The following SYNE1 variants were observed in gnomAD, a reference collection of about 807,000 sequenced individuals.
SYNE1 encodes spectrin repeat containing nuclear envelope protein 1.
SYNE1 carries 616 observed loss-of-function variants against 1,111.0 expected under a neutral mutation model. The ratio of observed to expected loss-of-function variants is 0.55; its 90% CI spans 0.52 to 0.59. SYNE1 has a LOEUF of 0.59. Among genes scored for constraint, SYNE1 ranks in the 20% least tolerant of loss-of-function variants. The probability of loss-of-function intolerance (pLI) is 0.00; values close to 1 mark genes in which losing one functional copy is unlikely to be tolerated. For missense variants in SYNE1, 10,006 were observed against 10,417.0 expected (o/e 0.96, Z 1.72); for synonymous variants, 3,855 against 3,825.8 (o/e 1.01, Z -0.28).
chr6:152,189,442 A>T, intron 127 of SYNE1, 35 bp from the exon 128 acceptor site: 2 of 1,607,534 alleles, frequency 1.2e-6, no homozygotes, highest in Admixed American at 1.7e-5. Flanking sequence ...ACCCACGGAC[A>T]TCTCCTGCCA....
At chr6:152,284,230 T>C (rs2094193258) in intron 95 of SYNE1, 58 bp from the exon 96 acceptor site, 4 of 1,555,424 alleles carry the variant, frequency 2.6e-6, no homozygotes, top group Non-Finnish European at 2.6e-6. Context: ...GAGGGATCAT[T>C]AGCACTAGCT....
chr6:152,601,446 G>C (rs1280575444), intron 3 of SYNE1, among the ~76,000 whole-genome samples: 1 of 152,192 alleles, frequency 6.6e-6, no homozygotes, highest in Non-Finnish European at 1.5e-5. Flanking sequence ...ATGCCATCGA[G>C]ATATCTGGTA....
intron 2 of SYNE1, among the ~76,000 whole-genome samples, chr6:152,634,467 T>C (rs1469310955): frequency 1.3e-5 from 2 of 152,198 alleles, no homozygotes; most frequent in South Asian, 2.1e-4. Flanking sequence ...AATTTAATTA[T>C]TTTTTTCTCT....
chr6:152,627,605 C>T (rs1040132402), intron 3 of SYNE1, among the ~76,000 whole-genome samples: 4 of 151,962 alleles, frequency 2.6e-5, no homozygotes, highest in Non-Finnish European at 4.4e-5. Flanking sequence ...TGGAGTGAGC[C>T]GAGATAGTGC....
At chr6:152,476,810 A>C (rs1473641261) in intron 14 of SYNE1, among the ~76,000 whole-genome samples, 6 of 151,844 alleles carry the variant, frequency 4.0e-5, no homozygotes, top group Admixed American at 2.6e-4. Flanking sequence ...CAGAGGCTGC[A>C]GTGAGCCATG....
At chr6:152,388,501 G>A (rs150795208) in intron 53 of SYNE1, among the ~76,000 whole-genome samples, 66 of 152,172 alleles carry the variant, frequency 4.3e-4, no homozygotes, top group Middle Eastern at 3.4e-3. Flanking sequence ...GTTTTGCCCC[G>A]TTGCCCAGAG....
chr6:152,434,402 A>T (rs2098455143), intron 33 of SYNE1: 2 of 163,008 alleles, frequency 1.2e-5, no homozygotes, highest in Non-Finnish European at 2.7e-5. Flanking sequence ...AAATACCTTT[A>T]TAAACTGCAT....
rs921838937 is a variant in SYNE1, at chr6:152,390,520, A to C, written c.8005-68T>G. The C allele has an allele frequency of 1.3e-5, 19 of 1,519,140 alleles. No individual in the cohort carries two copies. The Middle Eastern group carries it at 6.1e-4, about 49-fold the overall frequency. 94.1% of individuals were successfully genotyped at this position (1,519,140 alleles called of 1,614,324 possible). Reference sequence around the variant, plus strand: ...CCTTCTTCTATTTTAAAAAAATGGTAGTTTTCCATAAGAATTGAAGTAGGA... The same window carrying C: ...CCTTCTTCTATTTTAAAAAAATGGTCGTTTTCCATAAGAATTGAAGTAGGA... On this transcript the variant is annotated intron_variant, in intron 52 of 145. Coordinates refer to ENST00000367255, the MANE Select transcript of SYNE1 (RefSeq NM_182961.4).
chr6:152,232,852 T>A (rs1245814913), intron 112 of SYNE1, among the ~76,000 whole-genome samples: 2 of 152,224 alleles, frequency 1.3e-5, no homozygotes, highest in Non-Finnish European at 2.9e-5. Flanking sequence ...ACAAAAGCAA[T>A]CATTTAAAAT....
In SYNE1 at chr6:152,215,056, T is replaced by A; in HGVS notation, c.22196A>T (p.Gln7399Leu). 6.2e-7 allele frequency: 1 copy of A among 1,614,064 alleles called. No homozygotes were observed. Among genetic ancestry groups the A allele is most frequent in the South Asian group, 1.1e-5 (1 of 91,088 alleles). The part of the protein sequence containing the change: ...IQERMEELKG[Q>L]MLKFSSMAPD... ...AGCCATGCTGCTGAATTTTAACATC[T>A]GTCCCTAGAAGGAAGATTTAAAAGT... Residue 7399 changes from glutamine to leucine, a missense_variant, in exon 122 of 146, where the codon CAG becomes CTG. Physicochemically the swap from Gln to Leu is moderately radical, Grantham distance 113. This residue lies in a region of SYNE1 where 2,182 missense variants were observed against 2,287.8 expected (regional missense o/e 0.95). Transcript: ENST00000367255.
intron 139 of SYNE1, among the ~76,000 whole-genome samples, chr6:152,140,742 G>A (rs1353201213): frequency 1.3e-5 from 2 of 152,136 alleles, no homozygotes; most frequent in Non-Finnish European, 2.9e-5. Context: ...CACTGTCAAA[G>A]GAGACTGTTG....
Position 152,520,523 on chromosome 6 carries a change from C to A in SYNE1, c.245G>T (p.Arg82Leu), listed in dbSNP as rs143900928. 1.8e-4 allele frequency: 295 copies of A among 1,613,614 alleles called. No individual in the cohort carries two copies. Among genetic ancestry groups the A allele is most frequent in the South Asian group, 1.5e-3 (137 of 91,080 alleles). Residue 82 changes from arginine to leucine, a missense_variant, in exon 6 of 146, where the codon CGG (arginine) becomes CTG (leucine). By Grantham distance (102) the Arg-to-Leu change is moderately radical (BLOSUM62 -2). Coordinates refer to ENST00000367255, the MANE Select transcript of SYNE1 (RefSeq NM_182961.4). ...GQKLPCEQGR[R>L]MKRIHAVANI... Reference sequence around the variant, plus strand: ...AGCCACAGCATGGATTCGCTTCATCCGGCGTCCTTGTTCACAAGGCTGTAA... The same window carrying A: ...AGCCACAGCATGGATTCGCTTCATCAGGCGTCCTTGTTCACAAGGCTGTAA...
intron 66 of SYNE1, among the ~76,000 whole-genome samples, chr6:152,355,310 A>G (rs2096817929): frequency 6.6e-6 from 1 of 152,228 alleles, no homozygotes. Flanking sequence ...TAGGCTTATT[A>G]TAGCTCATAA....
At chr6:152,539,911 T>C in intron 4 of SYNE1, 49 bp downstream of exon 4, 2 of 1,587,814 alleles carry the variant, frequency 1.3e-6, no homozygotes. Flanking sequence ...ATTTAATGAT[T>C]TACTGGCTCA....
chr6:152,277,264 CTTTTTTTTTTT>C (rs747947368), intron 98 of SYNE1, among the ~76,000 whole-genome samples: 3 of 82,130 alleles, frequency 3.7e-5, no homozygotes, highest in Admixed American at 1.4e-4. Context: ...TTTTCTTTTT[CTTTTTTTTTTT>C]TTTTTTTTTT....
chr6:152,237,022 T>C, intron 108 of SYNE1, 74 bp from the exon 109 acceptor site: 1 of 1,573,156 alleles, frequency 6.4e-7, no homozygotes, highest in East Asian at 2.3e-5. Flanking sequence ...GGGTGCAAAA[T>C]ACGTGCCTGA....
chr6:152,160,474 C>A (rs542591401), intron 131 of SYNE1, among the ~76,000 whole-genome samples: 3 of 152,272 alleles, frequency 2.0e-5, no homozygotes, highest in South Asian at 2.1e-4. Flanking sequence ...GACTTTCCTG[C>A]ACCTTCACTC....
intron 35 of SYNE1, 22 bp downstream of exon 35, chr6:152,430,460 G>A (rs772360968): frequency 6.3e-7 from 1 of 1,591,866 alleles, no homozygotes; most frequent in Admixed American, 1.7e-5. Context: ...GTAAACTTAA[G>A]TATAGGTGGA....
chr6:152,242,361 T>C lies in SYNE1; in HGVS notation c.19772A>G (p.Tyr6591Cys), dbSNP rs759071467. The C allele has an allele frequency of 3.1e-6, 5 of 1,614,000 alleles. No individual in the cohort carries two copies. In the South Asian group the frequency reaches 3.3e-5, roughly 11 times the overall value. The part of the protein sequence containing the change: ...LNQNLTLKSQ[Y>C]ERALQDLADL... Reference sequence around the variant, plus strand: ...AGCCAGATCTTGTAGGGCCCTCTCATACTGACTCTTGAGTGTAAGGTTCTG... The same window carrying C: ...AGCCAGATCTTGTAGGGCCCTCTCACACTGACTCTTGAGTGTAAGGTTCTG... The change falls in exon 107 of 146, where the codon TAT (tyrosine) becomes TGT (cysteine). Residue 6591 changes from tyrosine to cysteine, a missense_variant. Physicochemically the swap from Tyr to Cys is radical, Grantham distance 194 (BLOSUM62 -2). Coordinates refer to ENST00000367255, the MANE Select transcript of SYNE1 (RefSeq NM_182961.4).
Sources: allele counts gnomAD v4.1 joint callset (sites outside exome capture counted in the v4.1 genomes callset), GRCh38; gene constraint gnomAD v4.1.1; regional missense constraint gnomAD v4.1.1; transcripts MANE v1.5; gene names NCBI Gene and HGNC (gene_info 2026-07-23, HGNC 2026-07-21).